Variants in DNAH6 observed in about 807,000 individuals in gnomAD.
DNAH6 encodes the protein dynein axonemal heavy chain 6.
A neutral mutation model predicts 491.4 loss-of-function variants in DNAH6; 340 were observed. The ratio of observed to expected loss-of-function variants is 0.69; its 90% CI spans 0.63 to 0.76. DNAH6 has a LOEUF of 0.76. Ranked by LOEUF, DNAH6 falls within the 30% of genes least tolerant of loss-of-function variation. DNAH6 has a pLI of 0.00. For missense variants in DNAH6, 4,443 were observed against 4,972.2 expected (o/e 0.89, Z 3.20); for synonymous variants, 1,603 against 1,686.1 (o/e 0.95, Z 1.21).
chr2:84,748,652 C>T (rs1673183818), intron 63 of DNAH6, among the ~76,000 whole-genome samples: 1 of 152,200 alleles, frequency 6.6e-6, no homozygotes, highest in Admixed American at 6.5e-5. Context: ...CCCTCATCTT[C>T]CTGTCTTCTG....
chr2:84,505,647 G>A, the DNAH6 span, among the ~76,000 whole-genome samples: 2 of 152,016 alleles, frequency 1.3e-5, no homozygotes, highest in African/African-American at 2.4e-5. Flanking sequence ...CCATGTTGGT[G>A]TGCTGCACCA....
chr2:84,667,678 G>A (rs1430692013), intron 37 of DNAH6, among the ~76,000 whole-genome samples: 1 of 152,196 alleles, frequency 6.6e-6, no homozygotes. Context: ...GGAAGACAGT[G>A]TGGCGATTCC....
intron 37 of DNAH6, among the ~76,000 whole-genome samples, chr2:84,662,443 C>T (rs1691611356): frequency 6.6e-6 from 1 of 152,228 alleles, no homozygotes; most frequent in East Asian, 1.9e-4. Context: ...AAACGGCACA[C>T]CAGGAGATTA....
the DNAH6 span, among the ~76,000 whole-genome samples, chr2:84,494,399 G>A: frequency 1.3e-5 from 2 of 152,050 alleles, no homozygotes; most frequent in Non-Finnish European, 2.9e-5. Flanking sequence ...AGATGAAGGG[G>A]AATCATTTTC....
intron 10 of DNAH6, among the ~76,000 whole-genome samples, chr2:84,555,315 A>G (rs923670102): frequency 6.6e-6 from 1 of 152,270 alleles, no homozygotes; most frequent in Admixed American, 6.5e-5. Flanking sequence ...CCTCCATTGC[A>G]TTTGAGTCTG....
chr2:84,566,995 T>G (rs1681270170), intron 11 of DNAH6, among the ~76,000 whole-genome samples: 1 of 152,012 alleles, frequency 6.6e-6, no homozygotes, highest in South Asian at 2.1e-4. Context: ...GATCTAAAAA[T>G]AAAATAAAAC....
the DNAH6 span, among the ~76,000 whole-genome samples, chr2:84,468,248 A>G: frequency 6.6e-6 from 1 of 152,238 alleles, no homozygotes; most frequent in African/African-American, 2.4e-5. Context: ...ATTACACACA[A>G]CACATATATA....
At chr2:84,710,074 T>A (rs1161139682) in intron 55 of DNAH6, among the ~76,000 whole-genome samples, 1 of 152,222 alleles carries the variant, frequency 6.6e-6, no homozygotes, top group Non-Finnish European at 1.5e-5. Context: ...GATGACTCTT[T>A]CTTTATTTCT....
At chr2:84,719,170 G>A (rs895803629) in intron 59 of DNAH6, among the ~76,000 whole-genome samples, 1 of 152,156 alleles carries the variant, frequency 6.6e-6, no homozygotes, top group South Asian at 2.1e-4. Context: ...GCTTTATATT[G>A]TATAGTCCCT....
chr2:84,816,445 C>T (rs911839108), intron 76 of DNAH6, among the ~76,000 whole-genome samples: 2 of 151,972 alleles, frequency 1.3e-5, no homozygotes, highest in African/African-American at 2.4e-5. Flanking sequence ...ATGAATAGGC[C>T]GGGAAAGGTG....
upstream of DNAH6, among the ~76,000 whole-genome samples, chr2:84,513,425 A>G (rs1010844440): frequency 6.6e-6 from 1 of 152,138 alleles, no homozygotes; most frequent in Non-Finnish European, 1.5e-5. Flanking sequence ...CTCTAAAGTC[A>G]CTGAAGTCTT....
intron 64 of DNAH6, among the ~76,000 whole-genome samples, chr2:84,780,618 A>G (rs111961986): frequency 0.021 from 3,230 of 152,244 alleles, 115 homozygotes; most frequent in African/African-American, 0.073. Context: ...TCTGAATTCT[A>G]TGTCTGTCAT....
In DNAH6 at chr2:84,610,963, G is replaced by C. The variant is rs377178872; in HGVS notation, c.3295-711G>C. 1.6e-3 allele frequency among the ~76,000 whole-genome samples: 243 copies of C among 152,278 alleles called. 6 individuals carry two copies. The South Asian group carries it at 0.046, about 29-fold the overall frequency. ...GAATTGCTTGGAAAGTGTGAGACCTGAGACAAACCAGGAAGTGGTTGTAAC... is the reference window on the plus strand; with the variant it reads ...GAATTGCTTGGAAAGTGTGAGACCTCAGACAAACCAGGAAGTGGTTGTAAC... On this transcript the variant is annotated intron_variant, in intron 21 of 76. Coordinates refer to ENST00000389394, the MANE Select transcript of DNAH6 (RefSeq NM_001370.2).
chr2:84,813,846 GTT>G, intron 74 of DNAH6, 123 bp from the exon 75 acceptor site: 1 of 925,590 alleles, frequency 1.1e-6, no homozygotes, highest in Middle Eastern at 2.2e-4. Context: ...GGTATTAAGA[GTT>G]GGGTCTTCTC....
chr2:84,624,502 T>A lies in DNAH6; in HGVS notation c.4235T>A (p.Leu1412Gln). ...TVESFDWQRQ[L>Q]RYYWDIDLDN... ...GAATCTTTTGACTGGCAGAGACAAC[T>A]GCGCTATTACTGGGATATAGACCTG... is the stretch of plus-strand genomic sequence containing the variant. Residue 1412 changes from leucine to glutamine, a missense_variant, in exon 28 of 77, where the codon CTG becomes CAG. Leu to Gln is a moderately radical substitution (Grantham distance 113). Around this residue, in one of 3 missense-constraint regions of DNAH6, gnomAD observed 2,977 missense variants for 3,296.6 expected, o/e 0.90. Coordinates refer to ENST00000389394, the MANE Select transcript of DNAH6 (RefSeq NM_001370.2). 6.4e-7 allele frequency: 1 copy of A among 1,551,968 alleles called. No homozygotes were observed. The highest frequency in any genetic ancestry group is 8.7e-7 in the Non-Finnish European group (1 of 1,147,002).
At chr2:84,801,262 A>G (rs1326534942) in intron 70 of DNAH6, among the ~76,000 whole-genome samples, 1 of 150,684 alleles carries the variant, frequency 6.6e-6, no homozygotes. Flanking sequence ...AAAAAGAAAA[A>G]GAAAAAGAAA....
At chr2:84,812,028 C>T (rs1680035193) in intron 72 of DNAH6, among the ~76,000 whole-genome samples, 1 of 152,158 alleles carries the variant, frequency 6.6e-6, no homozygotes, top group Admixed American at 6.5e-5. Context: ...TTTCTTTTGG[C>T]CTGGAGGAGT....
chr2:84,625,560 G>A (rs570093868), intron 29 of DNAH6, among the ~76,000 whole-genome samples: 1 of 152,016 alleles, frequency 6.6e-6, no homozygotes, highest in African/African-American at 2.4e-5. Context: ...GTTCATATGG[G>A]TTACGTATGT....
At chr2:84,748,307 A>G (rs1673159247) in intron 63 of DNAH6, among the ~76,000 whole-genome samples, 1 of 152,168 alleles carries the variant, frequency 6.6e-6, no homozygotes, top group Non-Finnish European at 1.5e-5. Context: ...ACTTTAAGTC[A>G]TTTCTTTCCT....
Sources: gnomAD v4.1 joint callset for allele counts (sites outside exome capture counted in the v4.1 genomes callset) on GRCh38, gnomAD v4.1.1 for gene constraint, gnomAD v4.1.1 regional missense constraint, MANE v1.5 for transcripts, NCBI Gene and HGNC (gene_info 2026-07-23, HGNC 2026-07-21) for gene names.